Variants in ZNF449 observed in about 807,000 individuals in gnomAD.
ZNF449 encodes zinc finger protein 449.
Under a neutral mutation model 32.6 loss-of-function variants are expected in ZNF449, and 4 were observed. The ratio of observed to expected loss-of-function variants is 0.12; its 90% CI spans 0.06 to 0.28. The LOEUF (loss-of-function observed/expected upper bound fraction) is 0.28. Ranked by LOEUF, ZNF449 falls within the 10% of genes least tolerant of loss-of-function variation. The pLI is 1.00. For synonymous variants in ZNF449, 123 were observed against 132.2 expected (o/e 0.93, Z 0.48); for missense variants, 275 against 383.2 (o/e 0.72, Z 2.36).
At chrX:135,349,075 AGACTT>A (rs1399844700) in intron 2 of ZNF449, 30 bp from the exon 3 acceptor site, 3 of 1,199,205 alleles carry the variant, frequency 2.5e-6, no homozygotes, top group Non-Finnish European at 2.3e-6. Context: ...CTGTTGGTCT[AGACTT>A]GAGAGTGATG....
intron 1 of ZNF449, among the ~76,000 whole-genome samples, chrX:135,345,169 C>T (rs1569497000): frequency 8.8e-6 from 1 of 113,002 alleles, no homozygotes; most frequent in Non-Finnish European, 1.9e-5. Context: ...AGGGACGTGT[C>T]ACTCTTGCCG....
Position 135,351,658 on chromosome X carries a change from T to TA in ZNF449, c.559+2371dup, listed in dbSNP as rs782046147. Among the ~76,000 whole-genome samples the TA allele has an allele frequency of 3.5e-3, 171 of 49,480 alleles. 7 individuals carry two copies. The highest frequency in any genetic ancestry group is 0.013 in the East Asian group (20 of 1,583). 43.0% of individuals were successfully genotyped at this position (49,480 alleles called of 115,157 possible). A position where few individuals can be genotyped will look rare whatever the true frequency, so the allele number is the denominator to read the frequency against. On this transcript the variant is annotated intron_variant, in intron 3 of 4. Transcript: ENST00000339249. The stretch of plus-strand genomic sequence containing the variant: ...CATTTCATAGTCTATTGAGGAATTC[T>TA]AAAAAAAAAAAAAAAAAAAAAAAAA...
intron 2 of ZNF449, chrX:135,348,148 G>A (rs1253278670): frequency 1.6e-5 from 2 of 125,994 alleles, no homozygotes; most frequent in Admixed American, 9.0e-5. Flanking sequence ...GTTGCTCCTC[G>A]TCATGTGATT....
intron 3 of ZNF449, among the ~76,000 whole-genome samples, chrX:135,355,492 G>C (rs940834302): frequency 9.0e-6 from 1 of 110,585 alleles, no homozygotes; most frequent in Non-Finnish European, 1.9e-5. Flanking sequence ...TATTGGAAGT[G>C]TATTTTATAT....
At chrX:135,357,959 A>C (rs1244765795) in intron 3 of ZNF449, among the ~76,000 whole-genome samples, 2 of 111,558 alleles carry the variant, frequency 1.8e-5, no homozygotes, top group African/African-American at 6.5e-5. Context: ...TAATGTATTT[A>C]CATTTAATTT....
chrX:135,356,177 A>G (rs2084916569), intron 3 of ZNF449, among the ~76,000 whole-genome samples: 1 of 111,871 alleles, frequency 8.9e-6, no homozygotes, highest in Non-Finnish European at 1.9e-5. Context: ...TCTTGGGTAT[A>G]TACCTAGGAG....
In ZNF449 at chrX:135,347,459, T is replaced by C. The variant is rs375544200; in HGVS notation, c.341T>C (p.Ile114Thr). 2 of 1,211,774 alleles carry C rather than the reference T, an allele frequency of 1.7e-6. No individual in the cohort carries two copies. Among genetic ancestry groups the C allele is most frequent in the Admixed American group, 4.3e-5 (2 of 46,090 alleles). Residue 114 changes from isoleucine to threonine, a missense_variant, in exon 2 of 5, where the codon ATA (isoleucine) becomes ACA (threonine). Coordinates refer to ENST00000339249, the MANE Select transcript of ZNF449 (RefSeq NM_152695.6). ...GAAGACTTACAGAGAGAACTTGAGA[T>C]ACCAGAGCAGCAGGTAAGAAAAGAA... ...LIEDLQRELE[I>T]PEQQVDMHDM...
Position 135,360,452 on chromosome X carries a change from AC to A in ZNF449, c.937del (p.His313ThrfsTer83). ...ACTTGGAAGAACCTCTCAACCCTAAACCCCACAAGAAAAAGAGTCCAGGAGA... is the reference window on the plus strand; with the variant it reads ...ACTTGGAAGAACCTCTCAACCCTAAACCCACAAGAAAAAGAGTCCAGGAGA... ...SNLEEPLNPK[P>X]HKKKSPGEKP... On this transcript the variant is annotated frameshift_variant, in exon 5 of 5. Transcript: ENST00000339249. LOFTEE classifies it high-confidence loss of function. 1 of 1,210,981 alleles carries A rather than the reference AC, an allele frequency of 8.3e-7. No homozygotes were observed. The highest frequency in any genetic ancestry group is 1.1e-6 in the Non-Finnish European group (1 of 895,205).
In ZNF449 at chrX:135,360,418, A is replaced by G. The variant is rs782543098; in HGVS notation, c.899A>G (p.Glu300Gly). ...AACCCCACTCTGGGAGAGACACCTGAGAACTCCAACTTGGAAGAACCTCTC... is the reference window on the plus strand; with the variant it reads ...AACCCCACTCTGGGAGAGACACCTGGGAACTCCAACTTGGAAGAACCTCTC... ...QQNPTLGETP[E>G]NSNLEEPLNP... The change falls in exon 5 of 5, where the codon GAG becomes GGG. Residue 300 changes from glutamate to glycine, a missense_variant. By Grantham distance (98) the Glu-to-Gly change is moderately conservative (BLOSUM62 -2). This residue lies in a region of ZNF449 where 165 missense variants were observed against 175.0 expected (regional missense o/e 0.94). Transcript: ENST00000339249. 36 of 1,209,528 alleles carry G rather than the reference A, an allele frequency of 3.0e-5. No homozygotes were observed. The highest frequency in any genetic ancestry group is 8.8e-5 in the Admixed American group (4 of 45,682).
At chrX:135,348,786 A>G (rs1556449309) in intron 2 of ZNF449, 1 of 1,022,570 alleles carries the variant, frequency 9.8e-7, no homozygotes, top group East Asian at 6.0e-5. Flanking sequence ...ACTACTAGTC[A>G]TGTACAGCTC....
Position 135,362,365 on chromosome X carries a change from T to A in ZNF449, c.*1289T>A, listed in dbSNP as rs1271055683. 2.7e-5 allele frequency: 3 copies of A among 111,786 alleles called. No individual in the cohort carries two copies. The highest frequency in any genetic ancestry group is 5.7e-5 in the Non-Finnish European group (3 of 53,061). 9.2% of individuals were successfully genotyped at this position (111,786 alleles called of 1,213,427 possible). A position where few individuals can be genotyped will look rare whatever the true frequency, so the allele number is the denominator to read the frequency against. On this transcript the variant is annotated 3_prime_UTR_variant, in exon 5 of 5. Coordinates refer to ENST00000339249, the MANE Select transcript of ZNF449 (RefSeq NM_152695.6). ...TTTTAAGAAGCTGAGGATCACTAAT[T>A]CAGATAATGTATAAGTTTCCCAGTG...
intron 1 of ZNF449, among the ~76,000 whole-genome samples, chrX:135,345,157 T>C (rs1182322531): frequency 8.9e-6 from 1 of 112,929 alleles, no homozygotes; most frequent in East Asian, 2.8e-4. Flanking sequence ...TTTACACTTT[T>C]TAGGGACGTG....
In ZNF449 at chrX:135,360,566, A is replaced by T; in HGVS notation, c.1047A>T (p.Glu349Asp). ...TGHQRIHSGE[E>D]PHKCPECGKR... ...ATCAGAGAATTCATTCAGGAGAAGA[A>T]CCTCACAAATGCCCTGAATGTGGGA... Residue 349 changes from glutamate (E) to aspartate (D), a missense_variant, in exon 5 of 5, where the codon GAA becomes GAT. Around this residue, in one of 3 missense-constraint regions of ZNF449, gnomAD observed 80 missense variants for 146.6 expected, o/e 0.55. Coordinates refer to ENST00000339249, the MANE Select transcript of ZNF449 (RefSeq NM_152695.6). The T allele has an allele frequency of 8.3e-7, 1 of 1,211,695 alleles. No homozygotes were observed. The highest frequency in any genetic ancestry group is 1.7e-5 in the African/African-American group (1 of 57,794).
At position 135,347,595 on chromosome X, in the gene ZNF449, C is replaced by T. The variant is rs782382963; in HGVS notation, c.354+123C>T. On this transcript the variant is annotated intron_variant, in intron 2 of 4. Transcript: ENST00000339249. ...CTCAAGATTTCTCCAGAGTCCTCTT[C>T]CTTTTTCTCTTCTGCTGAACTCAGC... is the stretch of plus-strand genomic sequence containing the variant. 8.6e-6 allele frequency: 10 copies of T among 1,164,054 alleles called. No homozygotes were observed. In the African/African-American group the frequency reaches 1.3e-4, roughly 15 times the overall value.
intron 1 of ZNF449, among the ~76,000 whole-genome samples, chrX:135,345,056 C>G (rs1379133449): frequency 8.8e-6 from 1 of 113,212 alleles, no homozygotes; most frequent in Non-Finnish European, 1.9e-5. Context: ...TCCTTCTGGG[C>G]TGGGAGCTCC....
At position 135,359,940 on chromosome X, in the gene ZNF449, A is replaced by G; in HGVS notation, c.608A>G (p.Glu203Gly). ...LDMNFSLENR[E>G]EPWVKELQDS... Reference sequence around the variant, plus strand: ...ATGAACTTCTCATTGGAGAATAGAGAAGAGCCATGGGTGAAGGAATTACAG... The same window carrying G: ...ATGAACTTCTCATTGGAGAATAGAGGAGAGCCATGGGTGAAGGAATTACAG... The change falls in exon 4 of 5, where the codon GAA becomes GGA. Residue 203 changes from glutamate to glycine, a missense_variant. Physicochemically the swap from Glu to Gly is moderately conservative, Grantham distance 98. Coordinates refer to ENST00000339249, the MANE Select transcript of ZNF449 (RefSeq NM_152695.6). 1 of 1,203,541 alleles carries G rather than the reference A, an allele frequency of 8.3e-7. No homozygotes were observed. The highest frequency in any genetic ancestry group is 1.1e-6 in the Non-Finnish European group (1 of 890,524).
intron 2 of ZNF449, 145 bp from the exon 3 acceptor site, chrX:135,348,965 C>T: frequency 6.6e-6 from 6 of 910,740 alleles, no homozygotes; most frequent in Admixed American, 5.4e-5. Flanking sequence ...TTAAGTAACA[C>T]GTACTATTAA....
chrX:135,345,991 C>T (rs1286047990), intron 1 of ZNF449, among the ~76,000 whole-genome samples: 1 of 111,895 alleles, frequency 8.9e-6, no homozygotes, highest in African/African-American at 3.3e-5. Context: ...TAGATTTTGA[C>T]GTAATCACCA....
At chrX:135,358,770 C>A (rs1556452645) in intron 3 of ZNF449, among the ~76,000 whole-genome samples, 1 of 111,827 alleles carries the variant, frequency 8.9e-6, no homozygotes, top group African/African-American at 3.2e-5. Context: ...AATTGAAACT[C>A]CATCTTTTAC....
Sources: gnomAD v4.1 joint callset for allele counts (sites outside exome capture counted in the v4.1 genomes callset) on GRCh38, gnomAD v4.1.1 for gene constraint, gnomAD v4.1.1 regional missense constraint, MANE v1.5 for transcripts, NCBI Gene and HGNC (gene_info 2026-07-23, HGNC 2026-07-21) for gene names.